The following ATP11B variants were observed in gnomAD, a reference collection of about 807,000 sequenced individuals.
The protein encoded by ATP11B is phospholipid-transporting ATPase IF.
In ATP11B, 81 loss-of-function variants were observed where a neutral mutation model predicts 157.8. The ratio of observed to expected loss-of-function variants is 0.51; its 90% CI spans 0.43 to 0.62. The LOEUF (loss-of-function observed/expected upper bound fraction) is 0.62. ATP11B is among the 20% of genes least tolerant of loss of function. The pLI, the probability that ATP11B is intolerant of heterozygous loss-of-function variation, is 0.00. For missense variants in ATP11B, 1,165 were observed against 1,402.2 expected, an observed-to-expected ratio of 0.83 and a Z score of 2.70; for synonymous variants, 451 against 469.4, an observed-to-expected ratio of 0.96 and a Z score of 0.51.
chr3:182,905,318 C>T (rs984611584), intron 28 of ATP11B, among the ~76,000 whole-genome samples: 2 of 152,110 alleles, frequency 1.3e-5, no homozygotes, highest in Non-Finnish European at 2.9e-5. Flanking sequence ...AAATCTGTTT[C>T]AAATTAAGGA....
At chr3:182,808,405 C>T (rs996053674) in intron 1 of ATP11B, among the ~76,000 whole-genome samples, 14 of 152,100 alleles carry the variant, frequency 9.2e-5, no homozygotes, top group Admixed American at 1.3e-4. Context: ...GGAATTGATG[C>T]AGTGCTAACC....
intron 1 of ATP11B, among the ~76,000 whole-genome samples, chr3:182,796,160 TTTCTA>T (rs1715584878): frequency 6.6e-6 from 1 of 152,226 alleles, no homozygotes; most frequent in African/African-American, 2.4e-5. Flanking sequence ...AGCTTGATCT[TTTCTA>T]TTGGGAAAGT....
At chr3:182,808,564 G>A (rs527240417) in intron 1 of ATP11B, among the ~76,000 whole-genome samples, 1 of 151,962 alleles carries the variant, frequency 6.6e-6, no homozygotes, top group African/African-American at 2.4e-5. Context: ...TTTTTAGTTG[G>A]TAGTCTCCCA....
At chr3:182,878,577 C>T (rs1037058348) in intron 19 of ATP11B, among the ~76,000 whole-genome samples, 4 of 152,106 alleles carry the variant, frequency 2.6e-5, no homozygotes, top group African/African-American at 9.7e-5. Context: ...GGTGTAGGCT[C>T]CTTATCTCTT....
chr3:182,832,952 T>A (rs1180816155), intron 4 of ATP11B, among the ~76,000 whole-genome samples: 1 of 152,026 alleles, frequency 6.6e-6, no homozygotes, highest in African/African-American at 2.4e-5. Flanking sequence ...TATTATTATT[T>A]TTAAATAAAT....
intron 24 of ATP11B, among the ~76,000 whole-genome samples, chr3:182,887,952 T>C (rs186097002): frequency 6.6e-6 from 1 of 152,340 alleles, no homozygotes; most frequent in Non-Finnish European, 1.5e-5. Context: ...GGCAGTTGTG[T>C]AATTTGCACT....
At chr3:182,917,158 T>C in intron 29 of ATP11B, 1 of 985,328 alleles carries the variant, frequency 1.0e-6, no homozygotes, top group East Asian at 1.1e-4. Flanking sequence ...TTAACGCTCA[T>C]CTCTTCCTGT....
Position 182,919,394 on chromosome 3 carries a change from A to G in ATP11B, c.*1290A>G, listed in dbSNP as rs565891552. ...TGATTAATCGGGTACATGTTACTGTAATTAACTCATTGCACTTCAAAACCT... is the reference window on the plus strand; with the variant it reads ...TGATTAATCGGGTACATGTTACTGTGATTAACTCATTGCACTTCAAAACCT... On this transcript the variant is annotated 3_prime_UTR_variant, in exon 30 of 30. Transcript: ENST00000323116. 1.3e-5 allele frequency: 2 copies of G among 152,630 alleles called. No homozygotes were observed. The highest frequency in any genetic ancestry group is 2.9e-5 in the Non-Finnish European group (2 of 68,032). 9.5% of individuals were successfully genotyped at this position (152,630 alleles called of 1,614,324 possible).
At position 182,913,914 on chromosome 3, in the gene ATP11B, G is replaced by C; in HGVS notation, c.3372G>C (p.Pro1124=). 6.2e-7 allele frequency: 1 copy of C among 1,614,104 alleles called. No homozygotes were observed. Among genetic ancestry groups the C allele is most frequent in the Non-Finnish European group, 8.5e-7 (1 of 1,179,970 alleles). ...GCTTGGACTCCATGTGCTGTTTCCCGGAAGGAGAAGCAGCGTGTGCATCTG... is the reference window on the plus strand; with the variant it reads ...GCTTGGACTCCATGTGCTGTTTCCCCGAAGGAGAAGCAGCGTGTGCATCTG... ...IKCLDSMCCF[P]EGEAACASVG... The change falls in exon 29 of 30, where the codon CCG becomes CCC. Residue 1124 remains proline (P), a synonymous_variant. Coordinates refer to ENST00000323116, the MANE Select transcript of ATP11B (RefSeq NM_014616.3).
At chr3:182,834,969 A>G (rs1718434376) in intron 4 of ATP11B, among the ~76,000 whole-genome samples, 1 of 152,338 alleles carries the variant, frequency 6.6e-6, no homozygotes, top group East Asian at 1.9e-4. Flanking sequence ...AAAGTCAGCT[A>G]GAGAAAAGAA....
At chr3:182,819,452 G>T (rs1177812582) in intron 1 of ATP11B, among the ~76,000 whole-genome samples, 1 of 152,108 alleles carries the variant, frequency 6.6e-6, no homozygotes, top group East Asian at 1.9e-4. Flanking sequence ...CTGTGGAAGT[G>T]GAAATACAGT....
intron 21 of ATP11B, among the ~76,000 whole-genome samples, chr3:182,882,513 A>G (rs950446148): frequency 1.3e-5 from 2 of 152,122 alleles, no homozygotes; most frequent in East Asian, 3.8e-4. Flanking sequence ...ATTTGAAAAA[A>G]AAAAGAGAAG....
At chr3:182,872,326 T>C in intron 17 of ATP11B, 30 bp from the exon 18 acceptor site, 1 of 1,452,086 alleles carries the variant, frequency 6.9e-7, no homozygotes, top group South Asian at 1.4e-5. Context: ...TGTTCAATTT[T>C]TGTCTTTAAT....
At chr3:182,915,332 A>G (rs1725068949) in intron 29 of ATP11B, 4 of 985,370 alleles carry the variant, frequency 4.1e-6, no homozygotes, top group Non-Finnish European at 3.6e-6. Context: ...CTGTGATACC[A>G]TTTTGTAGTA....
intron 17 of ATP11B, among the ~76,000 whole-genome samples, chr3:182,870,397 CTTT>C (rs1016194246): frequency 6.6e-6 from 1 of 152,168 alleles, no homozygotes; most frequent in Non-Finnish European, 1.5e-5. Flanking sequence ...CATCTGCCTT[CTTT>C]AACAGTTTAT....
At chr3:182,860,883 A>G (rs548052362) in intron 12 of ATP11B, among the ~76,000 whole-genome samples, 48 of 152,198 alleles carry the variant, frequency 3.2e-4, no homozygotes, top group African/African-American at 1.1e-3. Context: ...ATGACAGTCA[A>G]TTGAAGTCTT....
At chr3:182,860,595 C>T (rs999598126) in intron 12 of ATP11B, among the ~76,000 whole-genome samples, 3 of 152,064 alleles carry the variant, frequency 2.0e-5, no homozygotes, top group African/African-American at 7.2e-5. Flanking sequence ...ACATGTCTTT[C>T]TATGTTTCTC....
At chr3:182,826,269 T>A (rs1717716123) in intron 2 of ATP11B, among the ~76,000 whole-genome samples, 1 of 152,230 alleles carries the variant, frequency 6.6e-6, no homozygotes, top group South Asian at 2.1e-4. Flanking sequence ...TCTGAGTTGT[T>A]CCTTGTATTA....
Position 182,918,108 on chromosome 3 carries a change from G to T in ATP11B, c.*4G>T. ...AATGGACTCATCTACTTGTTAAAGG[G>T]GCAGTAGTACTTTGTGGGAGCCAGT... On this transcript the variant is annotated 3_prime_UTR_variant, in exon 30 of 30. Coordinates refer to ENST00000323116, the MANE Select transcript of ATP11B (RefSeq NM_014616.3). 1 of 1,612,500 alleles carries T rather than the reference G, an allele frequency of 6.2e-7. No individual in the cohort carries two copies. Among genetic ancestry groups the T allele is most frequent in the Non-Finnish European group, 8.5e-7 (1 of 1,179,068 alleles).
Sources: allele counts gnomAD v4.1 joint callset (sites outside exome capture counted in the v4.1 genomes callset), GRCh38; gene constraint gnomAD v4.1.1; transcripts MANE v1.5; gene names NCBI Gene and HGNC (gene_info 2026-07-23, HGNC 2026-07-21).